Variants in CMTM4 observed in about 807,000 individuals in gnomAD.
The protein encoded by CMTM4 is CKLF-like MARVEL transmembrane domain-containing protein 4.
A neutral mutation model predicts 19.0 loss-of-function variants in CMTM4; 8 were observed. The observed-to-expected ratio is 0.42, with a 90% confidence interval of 0.25 to 0.76. CMTM4 has a LOEUF of 0.76. CMTM4 is among the 30% of genes least tolerant of loss of function. CMTM4 has a pLI of 0.27. For synonymous variants in CMTM4, 106 were observed against 121.1 expected (o/e 0.88, Z 0.82); for missense variants, 228 against 290.2 (o/e 0.79, Z 1.56).
At chr16:66,638,600 TG>T (rs1019008480) in intron 1 of CMTM4, among the ~76,000 whole-genome samples, 3 of 152,370 alleles carry the variant, frequency 2.0e-5, no homozygotes, top group African/African-American at 7.2e-5. Context: ...GGCTCATGCC[TG>T]TAATCCCAGC....
Position 66,696,705 on chromosome 16 carries a change from G to A in CMTM4, c.-180C>T. ...CCCGGCTGCGGCTGCGGCTCGGTCC[G>A]CTCGGGCTCGGCTCCCGCCGCCTCG... On this transcript the variant is annotated 5_prime_UTR_variant, in exon 1 of 4. Transcript: ENST00000394106. This position sits in a 1 kb window ranked among gnomAD's most constrained non-coding sequence, Gnocchi z 4.3. 1 of 165,030 alleles carries A rather than the reference G, an allele frequency of 6.1e-6. No homozygotes were observed. The highest frequency in any genetic ancestry group is 1.2e-5 in the Non-Finnish European group (1 of 82,192). The allele number at this position is 165,030 out of a possible 1,614,324, so 10.2% of individuals were successfully genotyped here.
chr16:66,681,538 T>C (rs1352688732), intron 1 of CMTM4, among the ~76,000 whole-genome samples: 1 of 152,120 alleles, frequency 6.6e-6, no homozygotes. Flanking sequence ...TCTCCTGACC[T>C]TGGGATCCAC....
At chr16:66,605,205 G>A in the CMTM4 span, 3 of 369,994 alleles carry the variant, frequency 8.1e-6, no homozygotes, top group African/African-American at 2.1e-5. This position sits in a 1 kb window ranked among gnomAD's most constrained non-coding sequence, Gnocchi z 4.6. Context: ...GGGGCCGTGG[G>A]AAGTGGGTGG....
At chr16:66,612,577 C>T (rs371793221), downstream of CMTM4, 2 of 1,613,242 alleles carry the variant, frequency 1.2e-6, no homozygotes, top group Non-Finnish European at 1.7e-6. The surrounding 1 kb of genome is among the most constrained non-coding windows in gnomAD (Gnocchi z 6.0). Context: ...CCCTGAGCCT[C>T]CTGCCAAGCA....
intron 1 of CMTM4, among the ~76,000 whole-genome samples, chr16:66,638,791 C>T (rs1182479671): frequency 2.0e-5 from 3 of 151,944 alleles, no homozygotes; most frequent in African/African-American, 7.3e-5. Context: ...ACCCGGGAGG[C>T]GGAGGTTGCA....
chr16:66,662,965 T>C (rs534898720), intron 1 of CMTM4, among the ~76,000 whole-genome samples: 27 of 152,292 alleles, frequency 1.8e-4, no homozygotes, highest in South Asian at 1.0e-3. Context: ...GAATGAACTA[T>C]GGGATAGCTC....
chr16:66,676,031 AAAAT>A (rs904623082), intron 1 of CMTM4, among the ~76,000 whole-genome samples: 51 of 152,152 alleles, frequency 3.4e-4, no homozygotes, highest in Non-Finnish European at 5.6e-4. Flanking sequence ...AGCTAAAAAA[AAAAT>A]AAATAAATCA....
intron 1 of CMTM4, among the ~76,000 whole-genome samples, chr16:66,676,929 A>T (rs72790491): frequency 0.043 from 6,573 of 152,298 alleles, 268 homozygotes; most frequent in East Asian, 0.15. Flanking sequence ...ATAGTGCTTC[A>T]TCGCAGGACA....
rs1198571547 is a variant in CMTM4, at chr16:66,620,692, AGTAAGT to A, written c.*1360_*1365del. ...TGTTACTGCAAAATCTTCCTGCCAC[AGTAAGT>A]GCTTTTTGGTGAGGGCTAAACACAA... On this transcript the variant is annotated 3_prime_UTR_variant, in exon 4 of 4. Transcript: ENST00000394106. 5.1e-6 allele frequency: 5 copies of A among 985,726 alleles called. No individual in the cohort carries two copies. The highest frequency in any genetic ancestry group is 6.1e-5 in the Admixed American group (1 of 16,262). The allele number at this position is 985,726 out of a possible 1,614,324, so 61.1% of individuals were successfully genotyped here. A position where few individuals can be genotyped will look rare whatever the true frequency, so the allele number is the denominator to read the frequency against.
At chr16:66,680,898 A>T (rs1253224123) in intron 1 of CMTM4, among the ~76,000 whole-genome samples, 1 of 150,598 alleles carries the variant, frequency 6.6e-6, no homozygotes, top group African/African-American at 2.4e-5. Context: ...TTCTTTTCTC[A>T]CTGGATCTAC....
intron 1 of CMTM4, among the ~76,000 whole-genome samples, chr16:66,693,593 C>T (rs1325126070): frequency 6.6e-6 from 1 of 152,122 alleles, no homozygotes; most frequent in Non-Finnish European, 1.5e-5. Flanking sequence ...TTTGAAGTTG[C>T]CATACCCTTC....
intron 1 of CMTM4, among the ~76,000 whole-genome samples, chr16:66,642,246 T>C (rs1003893702): frequency 1.3e-5 from 2 of 152,208 alleles, no homozygotes; most frequent in Admixed American, 1.3e-4. Flanking sequence ...GTTCAACTTA[T>C]AACAACCTTG....
At position 66,615,081 on chromosome 16, in the gene CMTM4, A is replaced by G. The variant is rs1319359672; in HGVS notation, c.*6977T>C. The G allele has an allele frequency of 1.3e-5, 2 of 152,294 alleles. No individual in the cohort carries two copies. The highest frequency in any genetic ancestry group is 2.9e-5 in the Non-Finnish European group (2 of 68,062). 9.4% of individuals were successfully genotyped at this position (152,294 alleles called of 1,614,324 possible). A position where few individuals can be genotyped will look rare whatever the true frequency, so the allele number is the denominator to read the frequency against. On this transcript the variant is annotated 3_prime_UTR_variant, in exon 4 of 4. Coordinates refer to ENST00000394106, the MANE Select transcript of CMTM4 (RefSeq NM_181521.3). The surrounding 1 kb of genome is among the most constrained non-coding windows in gnomAD (Gnocchi z 4.9). ...GGGCTTCCACGTCAGCTGAAAAACC[A>G]AACACATAAACCTAAGTTTGCCCAA...
intron 1 of CMTM4, among the ~76,000 whole-genome samples, chr16:66,685,500 G>A (rs763169849): frequency 2.0e-5 from 3 of 152,016 alleles, no homozygotes; most frequent in African/African-American, 7.2e-5. Flanking sequence ...TGTACAGCAC[G>A]ACTTTAGGCT....
At chr16:66,637,537 T>C (rs1036585044) in intron 1 of CMTM4, among the ~76,000 whole-genome samples, 2 of 151,688 alleles carry the variant, frequency 1.3e-5, no homozygotes, top group Admixed American at 1.3e-4. Context: ...AGAACGAAAT[T>C]CCATCTCAAA....
At chr16:66,605,164 C>T in the CMTM4 span, 3 of 446,486 alleles carry the variant, frequency 6.7e-6, no homozygotes, top group African/African-American at 2.1e-5. The surrounding 1 kb of genome is among the most constrained non-coding windows in gnomAD (Gnocchi z 4.6). Context: ...CCCAGGCCAT[C>T]CGCGGCGCTG....
At chr16:66,678,809 TA>T (rs2016854433) in intron 1 of CMTM4, among the ~76,000 whole-genome samples, 1 of 152,188 alleles carries the variant, frequency 6.6e-6, no homozygotes, top group South Asian at 2.1e-4. Flanking sequence ...ATTTTATCTT[TA>T]AAAAATTATT....
chr16:66,625,533 A>T (rs961956977), intron 2 of CMTM4, among the ~76,000 whole-genome samples: 4 of 152,208 alleles, frequency 2.6e-5, no homozygotes, highest in Non-Finnish European at 5.9e-5. Flanking sequence ...ATGATCATTA[A>T]CAGTAGTGAG....
rs1217616320 is a variant in CMTM4, at chr16:66,614,866, CTA to C, written c.*7190_*7191del. 2 of 152,176 alleles carry C rather than the reference CTA, an allele frequency of 1.3e-5. No homozygotes were observed. The highest frequency in any genetic ancestry group is 6.5e-5 in the Admixed American group (1 of 15,282). The allele number at this position is 152,176 out of a possible 1,614,324, so 9.4% of individuals were successfully genotyped here. A position where few individuals can be genotyped will look rare whatever the true frequency, so the allele number is the denominator to read the frequency against. On this transcript the variant is annotated 3_prime_UTR_variant, in exon 4 of 4. Coordinates refer to ENST00000394106, the MANE Select transcript of CMTM4 (RefSeq NM_181521.3). This position sits in a 1 kb window ranked among gnomAD's most constrained non-coding sequence, Gnocchi z 4.9. Reference sequence around the variant, plus strand: ...ACATACAAAAATACAGATTTGAACACTATGAAAAAGATCAAGACAAGTACCAT... The same window carrying C: ...ACATACAAAAATACAGATTTGAACACTGAAAAAGATCAAGACAAGTACCAT...
Sources: allele counts gnomAD v4.1 joint callset (sites outside exome capture counted in the v4.1 genomes callset), GRCh38; gene constraint gnomAD v4.1.1; non-coding constraint Gnocchi (gnomAD v3.1); transcripts MANE v1.5; gene names NCBI Gene and HGNC (gene_info 2026-07-23, HGNC 2026-07-21).